The following AGMO variants were observed in gnomAD, a reference collection of about 807,000 sequenced individuals.
AGMO encodes alkylglycerol monooxygenase.
In AGMO, 75 loss-of-function variants were observed where a neutral mutation model predicts 60.2. The observed-to-expected ratio is 1.25, with a 90% CI of 1.03 to 1.51. The LOEUF (loss-of-function observed/expected upper bound fraction) is 1.51. AGMO is among the 40% of genes most tolerant of loss of function. The pLI is 0.00. For missense variants in AGMO, 763 were observed against 525.5 expected (o/e 1.45, Z -4.42); for synonymous variants, 261 against 177.1 (o/e 1.47, Z -3.76).
At chr7:15,560,328 C>A in intron 1 of AGMO, 57 bp from the exon 2 acceptor site, 1 of 1,560,416 alleles carries the variant, frequency 6.4e-7, no homozygotes, top group Non-Finnish European at 8.7e-7. Context: ...AATTATTTTA[C>A]ATTTCCTGAT....
chr7:15,272,455 G>A (rs1783645201), intron 12 of AGMO, among the ~76,000 whole-genome samples: 3 of 151,918 alleles, frequency 2.0e-5, no homozygotes, highest in Admixed American at 1.3e-4. Context: ...CAAAGGACAT[G>A]AACTCATCAT....
At position 15,468,229 on chromosome 7, in the gene AGMO, T is replaced by C. The variant is rs561575715; in HGVS notation, c.410-37121A>G. On this transcript the variant is annotated intron_variant, in intron 3 of 12. Transcript: ENST00000342526. ...GCTGTTACATCCCTTGTAATATTCT[T>C]ACAAGTGGCAACACTAAGTGAGAAT... 9.8e-5 allele frequency among the ~76,000 whole-genome samples: 15 copies of C among 152,312 alleles called. No individual in the cohort carries two copies. In the East Asian group the frequency reaches 2.9e-3, roughly 29 times the overall value.
intron 3 of AGMO, among the ~76,000 whole-genome samples, chr7:15,475,637 G>A (rs894135905): frequency 4.0e-5 from 6 of 151,824 alleles, no homozygotes; most frequent in Non-Finnish European, 8.8e-5. Context: ...GTATACCTAT[G>A]TAACAAATCT....
At chr7:15,429,117 C>T (rs908166401) in intron 4 of AGMO, among the ~76,000 whole-genome samples, 3 of 151,982 alleles carry the variant, frequency 2.0e-5, no homozygotes, top group African/African-American at 7.2e-5. Flanking sequence ...TCCAGAGTTC[C>T]AGCATAAGCT....
chr7:15,366,323 T>C (rs946813280), intron 10 of AGMO, 101 bp from the exon 11 acceptor site: 7 of 721,358 alleles, frequency 9.7e-6, no homozygotes, highest in Non-Finnish European at 1.4e-5. Flanking sequence ...TATGTCCTGT[T>C]GCACCACTTG....
intron 3 of AGMO, among the ~76,000 whole-genome samples, chr7:15,455,320 G>C (rs1314289685): frequency 6.6e-6 from 1 of 152,028 alleles, no homozygotes; most frequent in Non-Finnish European, 1.5e-5. Context: ...AAATTCTGCT[G>C]CAGAAATATT....
intron 12 of AGMO, among the ~76,000 whole-genome samples, chr7:15,313,921 T>C (rs1780840138): frequency 6.6e-6 from 1 of 151,862 alleles, no homozygotes; most frequent in Admixed American, 6.6e-5. Context: ...ACCCTTCTGC[T>C]TGTGTTGATG....
At chr7:15,333,402 A>G (rs1450150697) in intron 12 of AGMO, among the ~76,000 whole-genome samples, 1 of 152,104 alleles carries the variant, frequency 6.6e-6, no homozygotes, top group Non-Finnish European at 1.5e-5. Context: ...AAGAAATAAA[A>G]TGTGACTTTT....
chr7:15,314,723 T>A (rs1780865204), intron 12 of AGMO, among the ~76,000 whole-genome samples: 1 of 152,146 alleles, frequency 6.6e-6, no homozygotes, highest in Non-Finnish European at 1.5e-5. Flanking sequence ...TGTGAGTATA[T>A]TACCTTATAT....
chr7:15,383,816 TTTC>T (rs1336988160), intron 10 of AGMO, among the ~76,000 whole-genome samples: 1 of 152,180 alleles, frequency 6.6e-6, no homozygotes, highest in Non-Finnish European at 1.5e-5. Context: ...TTGTTGTATT[TTTC>T]TTTTTAGGCT....
chr7:15,325,827 T>C (rs920448160), intron 12 of AGMO, among the ~76,000 whole-genome samples: 1 of 152,204 alleles, frequency 6.6e-6, no homozygotes, highest in African/African-American at 2.4e-5. Flanking sequence ...TTTGCTTTTA[T>C]ACAACATTTT....
chr7:15,171,731 A>C, the AGMO span, among the ~76,000 whole-genome samples: 59,735 of 152,060 alleles, frequency 0.39, 12,595 homozygotes, highest in East Asian at 0.71. Context: ...TATTTCTAAC[A>C]AGTTTCTTAT....
chr7:15,386,187 AG>A (rs1783904419), intron 9 of AGMO, among the ~76,000 whole-genome samples: 2 of 72,978 alleles, frequency 2.7e-5, no homozygotes, highest in Admixed American at 1.1e-4. Context: ...AAAAAAGAAA[AG>A]AAAAGAAAAA....
intron 1 of AGMO, among the ~76,000 whole-genome samples, chr7:15,560,832 A>G (rs1785283865): frequency 6.6e-6 from 1 of 152,192 alleles, no homozygotes; most frequent in Non-Finnish European, 1.5e-5. Context: ...TTTGTTTCAC[A>G]TAATAAGAGA....
At chr7:15,147,263 TAA>T in the AGMO span, among the ~76,000 whole-genome samples, 17 of 152,090 alleles carry the variant, frequency 1.1e-4, no homozygotes, top group East Asian at 3.1e-3. Context: ...ACGCTGCTAA[TAA>T]AGACATATCC....
chr7:15,459,660 A>G (rs1177565460), intron 3 of AGMO, among the ~76,000 whole-genome samples: 3 of 142,340 alleles, frequency 2.1e-5, no homozygotes, highest in African/African-American at 7.8e-5. Context: ...CACACCACCC[A>G]AGTCATGAAT....
intron 5 of AGMO, among the ~76,000 whole-genome samples, chr7:15,407,341 G>T (rs533296084): frequency 6.0e-5 from 9 of 150,080 alleles, no homozygotes; most frequent in African/African-American, 2.2e-4. Flanking sequence ...TATCTGAAAA[G>T]GTAACTGTAG....
chr7:15,423,986 T>C (rs1433383600), intron 4 of AGMO, among the ~76,000 whole-genome samples: 1 of 152,194 alleles, frequency 6.6e-6, no homozygotes, highest in Non-Finnish European at 1.5e-5. Context: ...ATTTTTATTG[T>C]TATTCCTAAA....
In AGMO at chr7:15,240,124, T is replaced by A. The variant is rs369707959; in HGVS notation, c.1264-38765A>T. The stretch of plus-strand genomic sequence containing the variant: ...CAATCAAGCTACATCAAAGGGGTAA[T>A]ATAATGAAATAAACATCTATTTATT... On this transcript the variant is annotated intron_variant, in intron 12 of 12. Coordinates refer to ENST00000342526, the MANE Select transcript of AGMO (RefSeq NM_001004320.2). 3.3e-5 allele frequency among the ~76,000 whole-genome samples: 5 copies of A among 152,242 alleles called. No homozygotes were observed. In the East Asian group the frequency reaches 9.6e-4, roughly 29 times the overall value.
Sources: gnomAD v4.1 joint callset for allele counts (sites outside exome capture counted in the v4.1 genomes callset) on GRCh38, gnomAD v4.1.1 for gene constraint, MANE v1.5 for transcripts, NCBI Gene and HGNC (gene_info 2026-07-23, HGNC 2026-07-21) for gene names.